The following SAXO1 variants were observed in gnomAD, a reference collection of about 807,000 sequenced individuals.
SAXO1 encodes the protein 4930500O09Rik.
In SAXO1, 21 loss-of-function variants were observed where a neutral mutation model predicts 17.5. The ratio of observed to expected loss-of-function variants is 1.20; its 90% CI spans 0.85 to 1.72. The LOEUF (loss-of-function observed/expected upper bound fraction) is 1.72, where lower values mean the gene tolerates loss of function less well. SAXO1 is among the 40% of genes most tolerant of loss of function. The pLI is 0.00. For missense variants in SAXO1, 843 were observed against 596.0 expected (o/e 1.41, Z -4.32); for synonymous variants, 274 against 216.5 (o/e 1.27, Z -2.33).
intron 3 of SAXO1, among the ~76,000 whole-genome samples, chr9:18,939,668 G>A (rs1831464455): frequency 6.6e-6 from 1 of 152,198 alleles, no homozygotes; most frequent in Non-Finnish European, 1.5e-5. Context: ...CCTGAGGCTG[G>A]AGCAGAGGGG....
intron 3 of SAXO1, among the ~76,000 whole-genome samples, chr9:18,931,665 C>T (rs144651739): frequency 4.9e-4 from 74 of 152,366 alleles, no homozygotes; most frequent in Non-Finnish European, 9.7e-4. Context: ...CATTTCTCCA[C>T]ATCCTTGTCA....
chr9:19,024,012 CTTTTTTTTTTT>C lies in SAXO1; in HGVS notation c.38+8848_38+8858del, dbSNP rs71333077. ...GAAGAAGAAATGCTACTCTTTAAGG[CTTTTTTTTTTT>C]TTTTTTTTTTTTTTTTTTTGCGGGG... On this transcript the variant is annotated intron_variant, in intron 1 of 3. Transcript: ENST00000380534. Among the ~76,000 whole-genome samples, 289 of 38,128 alleles carry C rather than the reference CTTTTTTTTTTT, an allele frequency of 7.6e-3. 2 individuals carry two copies. Among genetic ancestry groups the C allele is most frequent in the African/African-American group, 0.029 (270 of 9,172 alleles). 25.0% of individuals were successfully genotyped at this position (38,128 alleles called of 152,430 possible). A position where few individuals can be genotyped will look rare whatever the true frequency, so the allele number is the denominator to read the frequency against.
chr9:18,982,771 C>G (rs144428276), intron 1 of SAXO1, among the ~76,000 whole-genome samples: 75 of 152,302 alleles, frequency 4.9e-4, no homozygotes, highest in African/African-American at 1.6e-3. Context: ...TGCTGAGTAA[C>G]ATATCTTGGA....
At chr9:18,998,253 T>C (rs1243233408) in intron 1 of SAXO1, among the ~76,000 whole-genome samples, 2 of 152,030 alleles carry the variant, frequency 1.3e-5, no homozygotes, top group African/African-American at 4.8e-5. Context: ...GAATAACCTA[T>C]GTAGAGAAGA....
intron 3 of SAXO1, among the ~76,000 whole-genome samples, chr9:18,936,218 C>A (rs1183644715): frequency 6.6e-6 from 1 of 152,212 alleles, no homozygotes; most frequent in African/African-American, 2.4e-5. Context: ...ATACTACCAA[C>A]TATTTATCTA....
chr9:18,984,614 A>G (rs533457425), intron 1 of SAXO1, among the ~76,000 whole-genome samples: 1 of 152,318 alleles, frequency 6.6e-6, no homozygotes, highest in South Asian at 2.1e-4. Flanking sequence ...TTTCCTCTGC[A>G]GCTTCCTCAC....
chr9:18,979,654 G>A (rs1932446), intron 1 of SAXO1, among the ~76,000 whole-genome samples: 1 of 152,318 alleles, frequency 6.6e-6, no homozygotes, highest in Non-Finnish European at 1.5e-5. Flanking sequence ...GATTATTCCA[G>A]CAAGAGTGTA....
chr9:19,027,672 C>G, intron 1 of SAXO1: 1 of 1,358,296 alleles, frequency 7.4e-7, no homozygotes, highest in East Asian at 2.3e-5. Flanking sequence ...GAGAAAGCGC[C>G]CTCCATCATC....
At chr9:18,950,343 G>A (rs1235277662) in intron 2 of SAXO1, among the ~76,000 whole-genome samples, 3 of 152,178 alleles carry the variant, frequency 2.0e-5, no homozygotes, top group Middle Eastern at 3.4e-3. Flanking sequence ...CTATTGCCAA[G>A]TTCCCTTTCA....
chr9:19,032,934 C>A lies in SAXO1; in HGVS notation c.-26G>T, dbSNP rs1235078552. The A allele has an allele frequency of 1.2e-6, 2 of 1,601,554 alleles. No homozygotes were observed. Among genetic ancestry groups the A allele is most frequent in the Non-Finnish European group, 1.7e-6 (2 of 1,176,580 alleles). ...AGGGGCGATCCTGAGGCCCTGACGT[C>A]CCCTCAGAGCATCGCCAGCTGCAGC... On this transcript the variant is annotated 5_prime_UTR_variant, in exon 1 of 4. Coordinates refer to ENST00000380534, the MANE Select transcript of SAXO1 (RefSeq NM_153707.4).
At chr9:18,950,613 A>T (rs878862831) in intron 2 of SAXO1, 145 bp downstream of exon 2, 1 of 667,002 alleles carries the variant, frequency 1.5e-6, no homozygotes, top group East Asian at 2.8e-5. Context: ...TCAGAGATAT[A>T]GTACATTAAG....
At chr9:19,000,194 GCGCCTC>G in intron 1 of SAXO1, among the ~76,000 whole-genome samples, 3 of 151,478 alleles carry the variant, frequency 2.0e-5, no homozygotes, top group Admixed American at 6.6e-5. Context: ...GAAGTGAGGA[GCGCCTC>G]CACCCGGTCG....
At chr9:18,946,858 A>T (rs183741362) in intron 2 of SAXO1, among the ~76,000 whole-genome samples, 125 of 152,342 alleles carry the variant, frequency 8.2e-4, no homozygotes, top group Non-Finnish European at 1.3e-3. Flanking sequence ...AAATATGTGA[A>T]GTAGAACATT....
At chr9:19,014,479 T>A (rs1439039663) in intron 1 of SAXO1, among the ~76,000 whole-genome samples, 19 of 106,718 alleles carry the variant, frequency 1.8e-4, no homozygotes, top group East Asian at 2.8e-4. Flanking sequence ...AAAAAAAAAG[T>A]TAATTAATTA....
At chr9:19,045,315 TCA>T (rs1836184163) in intron 1 of SAXO1, among the ~76,000 whole-genome samples, 1 of 35,400 alleles carries the variant, frequency 2.8e-5, no homozygotes, top group Non-Finnish European at 4.2e-5. Context: ...AGACTCCGTC[TCA>T]AAAAAAAAAA....
rs1422933480 is a variant in SAXO1, at chr9:18,983,298, G to A, written c.39-32361C>T. ...ACATGGCAGCAGGAGACAGAGCGAGGGGGTAACTGCCAAACACTTTTAAAG... is the reference window on the plus strand; with the variant it reads ...ACATGGCAGCAGGAGACAGAGCGAGAGGGTAACTGCCAAACACTTTTAAAG... On this transcript the variant is annotated intron_variant, in intron 1 of 3. Transcript: ENST00000380534. Among the ~76,000 whole-genome samples, 3 of 152,054 alleles carry A rather than the reference G, an allele frequency of 2.0e-5. No individual in the cohort carries two copies. In the East Asian group the frequency reaches 5.8e-4, roughly 29 times the overall value.
rs1427926148 is a variant in SAXO1 at position 18,968,460 on chromosome 9, TAA to T, written c.39-17525_39-17524del. On this transcript the variant is annotated intron_variant, in intron 1 of 3. Transcript: ENST00000380534. ...GTAGCCATTCACTTTTAAATTCTCT[TAA>T]GTTTGTTATACACTTGAAGTTTTTC... Among the ~76,000 whole-genome samples, 10 of 152,364 alleles carry T rather than the reference TAA, an allele frequency of 6.6e-5. No individual in the cohort carries two copies. The South Asian group carries it at 2.1e-3, about 32-fold the overall frequency.
At chr9:19,040,651 A>G (rs1836057478) in intron 1 of SAXO1, among the ~76,000 whole-genome samples, 1 of 152,152 alleles carries the variant, frequency 6.6e-6, no homozygotes, top group Admixed American at 6.5e-5. Context: ...CTCCAAAAAA[A>G]GAAGAAAAAA....
intron 2 of SAXO1, among the ~76,000 whole-genome samples, chr9:18,949,252 A>T (rs1465077694): frequency 6.6e-6 from 1 of 152,210 alleles, no homozygotes; most frequent in African/African-American, 2.4e-5. Flanking sequence ...TAGAATAAAT[A>T]TAATCATCTG....
Sources: allele counts gnomAD v4.1 joint callset (sites outside exome capture counted in the v4.1 genomes callset), GRCh38; gene constraint gnomAD v4.1.1; transcripts MANE v1.5; gene names NCBI Gene and HGNC (gene_info 2026-07-23, HGNC 2026-07-21).